UBE3A: variants seen among roughly 807,000 people sequenced by gnomAD.
UBE3A encodes the protein ubiquitin protein ligase E3A.
In UBE3A, 6 loss-of-function variants were observed where a neutral mutation model predicts 83.4. That is an observed-to-expected ratio of 0.07 (90% confidence interval 0.04 to 0.14). The LOEUF (loss-of-function observed/expected upper bound fraction) is 0.14. Ranked by LOEUF, UBE3A falls within the 10% of genes least tolerant of loss-of-function variation. The pLI is 1.00. For missense variants in UBE3A, 456 were observed against 1,036.1 expected, an observed-to-expected ratio of 0.44 and a Z score of 7.69; for synonymous variants, 337 against 355.4, an observed-to-expected ratio of 0.95 and a Z score of 0.58.
chr15:25,416,267 C>T (rs566938981), intron 1 of UBE3A, among the ~76,000 whole-genome samples: 6 of 152,018 alleles, frequency 3.9e-5, no homozygotes, highest in Non-Finnish European at 7.4e-5. Flanking sequence ...ATTAAATGTC[C>T]GTAACAGCAG....
intron 4 of UBE3A, among the ~76,000 whole-genome samples, chr15:25,383,078 A>C (rs1336151006): frequency 3.9e-5 from 6 of 152,202 alleles, no homozygotes; most frequent in African/African-American, 1.4e-4. Flanking sequence ...CATTACTTAG[A>C]TATCGAAATC....
At chr15:25,365,359 T>A (rs183573179) in intron 6 of UBE3A, among the ~76,000 whole-genome samples, 12 of 152,228 alleles carry the variant, frequency 7.9e-5, no homozygotes, top group South Asian at 6.2e-4. Context: ...CATAATTTTT[T>A]AAAAAAATTC....
In UBE3A at chr15:25,339,887, A is replaced by G. The variant is rs2074438515; in HGVS notation, c.2498+198T>C. Reference sequence around the variant, plus strand: ...TCCAAACCAATGTGAGCCCCATAATAATTTTTAACTAGGGCAATTTCTTAA... The same window carrying G: ...TCCAAACCAATGTGAGCCCCATAATGATTTTTAACTAGGGCAATTTCTTAA... On this transcript the variant is annotated intron_variant, in intron 12 of 12. Transcript: ENST00000648336. The G allele has an allele frequency of 7.6e-6, 5 of 657,574 alleles. No individual in the cohort carries two copies. The East Asian group carries it at 1.5e-4, about 19-fold the overall frequency. 40.7% of individuals were successfully genotyped at this position (657,574 alleles called of 1,614,324 possible). A position where few individuals can be genotyped will look rare whatever the true frequency, so the allele number is the denominator to read the frequency against.
At chr15:25,398,816 A>ATAT (rs1567069211) in intron 4 of UBE3A, among the ~76,000 whole-genome samples, 1,018 of 40,238 alleles carry the variant, frequency 0.025, 37 homozygotes, top group Non-Finnish European at 0.041. Flanking sequence ...TATATATATA[A>ATAT]AAATACATAT....
chr15:25,416,546 G>A (rs555200226), intron 1 of UBE3A, among the ~76,000 whole-genome samples: 128 of 151,744 alleles, frequency 8.4e-4, no homozygotes, highest in African/African-American at 3.0e-3. Context: ...CGCAGGAGCT[G>A]CTGCTGTTTT....
chr15:25,339,914 A>C, intron 12 of UBE3A, 171 bp downstream of exon 12: 1 of 866,978 alleles, frequency 1.2e-6, no homozygotes, highest in Non-Finnish European at 1.8e-6. Flanking sequence ...ATTTCTTAAA[A>C]GTTTCCTCAC....
At chr15:25,434,016 A>G (rs1166473408) in intron 1 of UBE3A, among the ~76,000 whole-genome samples, 3 of 152,206 alleles carry the variant, frequency 2.0e-5, no homozygotes, top group Admixed American at 6.5e-5. Flanking sequence ...GAGTTATGAC[A>G]GCACCACTGC....
At chr15:25,350,277 G>A (rs534191080) in intron 11 of UBE3A, among the ~76,000 whole-genome samples, 1 of 151,294 alleles carries the variant, frequency 6.6e-6, no homozygotes, top group South Asian at 2.1e-4. Context: ...CTCCAGCCTG[G>A]ATGACAGAGA....
chr15:25,424,015 C>T (rs958664012), intron 1 of UBE3A, among the ~76,000 whole-genome samples: 2 of 152,102 alleles, frequency 1.3e-5, no homozygotes, highest in Non-Finnish European at 2.9e-5. Flanking sequence ...TGCCCTTGTC[C>T]CCTTTTTCAG....
intron 1 of UBE3A, among the ~76,000 whole-genome samples, chr15:25,420,194 A>T (rs572040448): frequency 6.6e-6 from 1 of 152,320 alleles, no homozygotes; most frequent in South Asian, 2.1e-4. Flanking sequence ...TAATCATAAG[A>T]AAGGAATGGA....
Position 25,338,859 on chromosome 15 carries a change from G to C in UBE3A, c.*278C>G, listed in dbSNP as rs1442376975. The stretch of plus-strand genomic sequence containing the variant: ...GAAAAACCTCTCTGTACATACAAGT[G>C]AAAGAATATGTAACACTTTCACGCA... On this transcript the variant is annotated 3_prime_UTR_variant, in exon 13 of 13. Transcript: ENST00000648336. 5.7e-6 allele frequency: 1 copy of C among 176,556 alleles called. No individual in the cohort carries two copies. Among genetic ancestry groups the C allele is most frequent in the Non-Finnish European group, 1.2e-5 (1 of 84,976 alleles). The allele number at this position is 176,556 out of a possible 1,614,324, so 10.9% of individuals were successfully genotyped here.
At chr15:25,347,897 T>G (rs952364175) in intron 11 of UBE3A, among the ~76,000 whole-genome samples, 1 of 151,794 alleles carries the variant, frequency 6.6e-6, no homozygotes, top group Non-Finnish European at 1.5e-5. Context: ...ATATAAATGG[T>G]CTAAATAAAA....
At chr15:25,432,367 C>T (rs1454861579) in intron 1 of UBE3A, among the ~76,000 whole-genome samples, 3 of 152,150 alleles carry the variant, frequency 2.0e-5, no homozygotes, top group South Asian at 2.1e-4. Context: ...AATTCTAAGA[C>T]TACTTATTAA....
chr15:25,397,678 T>A (rs538425826), intron 4 of UBE3A, among the ~76,000 whole-genome samples: 90 of 152,236 alleles, frequency 5.9e-4, no homozygotes, highest in African/African-American at 2.1e-3. Flanking sequence ...ATTCCCTGTA[T>A]TAAAAACAAC....
At chr15:25,417,340 C>T (rs1596370938) in intron 1 of UBE3A, among the ~76,000 whole-genome samples, 1 of 151,858 alleles carries the variant, frequency 6.6e-6, no homozygotes, top group South Asian at 2.1e-4. Flanking sequence ...TAGGTGGCTA[C>T]AAAACAAAAC....
intron 1 of UBE3A, among the ~76,000 whole-genome samples, chr15:25,427,618 A>C (rs1023806355): frequency 2.7e-5 from 4 of 147,690 alleles, no homozygotes; most frequent in South Asian, 2.1e-4. Context: ...AAAAAAAAAA[A>C]AAAAAAAAAA....
At chr15:25,358,755 T>C (rs2077592818) in intron 7 of UBE3A, among the ~76,000 whole-genome samples, 1 of 152,200 alleles carries the variant, frequency 6.6e-6, no homozygotes, top group Non-Finnish European at 1.5e-5. Flanking sequence ...GCTTAGGACA[T>C]TTTCTGAATG....
chr15:25,356,118 A>C, intron 8 of UBE3A, 62 bp from the exon 9 acceptor site: 1 of 1,572,744 alleles, frequency 6.4e-7, no homozygotes, highest in South Asian at 1.1e-5. Context: ...CAAATAATTT[A>C]TATCACTCTT....
rs199950859 is a variant in UBE3A at position 25,430,027 on chromosome 15, C to CTATATA, written c.-165+8456_-165+8461dup. Among the ~76,000 whole-genome samples, 33 of 66,172 alleles carry CTATATA rather than the reference C, an allele frequency of 5.0e-4. 2 individuals are homozygous for CTATATA. Among genetic ancestry groups the CTATATA allele is most frequent in the African/African-American group, 1.8e-3 (15 of 8,202 alleles). 43.4% of individuals were successfully genotyped at this position (66,172 alleles called of 152,430 possible). On this transcript the variant is annotated intron_variant, in intron 1 of 12. Transcript: ENST00000648336. ...CTCAGGAGGAAAAACAAAAAAAAAC[C>CTATATA]TATATATATATATATATATATATTT...
Sources: gnomAD v4.1 joint callset for allele counts (sites outside exome capture counted in the v4.1 genomes callset) on GRCh38, gnomAD v4.1.1 for gene constraint, MANE v1.5 for transcripts, NCBI Gene and HGNC (gene_info 2026-07-23, HGNC 2026-07-21) for gene names.